Variants in TENT2 observed in about 807,000 individuals in gnomAD.
TENT2 encodes the protein poly(A) RNA polymerase GLD2.
In TENT2, 44 loss-of-function variants were observed where a neutral mutation model predicts 72.2. The ratio of observed to expected loss-of-function variants is 0.61; its 90% CI spans 0.48 to 0.78. TENT2 has a LOEUF of 0.78. TENT2 is among the 30% of genes least tolerant of loss of function. The probability of loss-of-function intolerance (pLI) is 0.00; values close to 1 mark genes in which losing one functional copy is unlikely to be tolerated. For synonymous variants in TENT2, 212 were observed against 192.5 expected (o/e 1.10, Z -0.84); for missense variants, 541 against 569.6 (o/e 0.95, Z 0.51).
chr5:79,674,690 TG>T (rs1815798818), intron 12 of TENT2, among the ~76,000 whole-genome samples: 1 of 152,204 alleles, frequency 6.6e-6, no homozygotes, highest in African/African-American at 2.4e-5. Context: ...TGTTAACACT[TG>T]TTGAATTGTT....
chr5:79,625,036 A>G (rs953789887), intron 4 of TENT2, among the ~76,000 whole-genome samples: 1 of 152,166 alleles, frequency 6.6e-6, no homozygotes, highest in Non-Finnish European at 1.5e-5. Flanking sequence ...CACTTTCTTT[A>G]CATGCTTTTG....
intron 4 of TENT2, among the ~76,000 whole-genome samples, chr5:79,634,636 G>A (rs908795890): frequency 3.3e-5 from 5 of 152,082 alleles, no homozygotes; most frequent in Non-Finnish European, 7.4e-5. Flanking sequence ...ACTGCGCCTG[G>A]CCAGAAATAT....
chr5:79,656,430 AT>A (rs563906499), intron 10 of TENT2, among the ~76,000 whole-genome samples: 3 of 151,546 alleles, frequency 2.0e-5, no homozygotes, highest in South Asian at 2.1e-4. Flanking sequence ...TTTTTATTTG[AT>A]TTTTTTTGTT....
rs571213640 is a variant in TENT2, at chr5:79,668,815, C to G, written c.1072-77C>G. The G allele has an allele frequency of 2.9e-4, 424 of 1,443,816 alleles. 2 individuals are homozygous for G. In the African/African-American group the frequency reaches 5.5e-3, roughly 19 times the overall value. 89.4% of individuals were successfully genotyped at this position (1,443,816 alleles called of 1,614,324 possible). A position where few individuals can be genotyped will look rare whatever the true frequency, so the allele number is the denominator to read the frequency against. Reference sequence around the variant, plus strand: ...TCTTCTCTCTTTTTCAAAGAGGAGCCTAGTTCAGGATTTATAAAGTTTCTT... The same window carrying G: ...TCTTCTCTCTTTTTCAAAGAGGAGCGTAGTTCAGGATTTATAAAGTTTCTT... On this transcript the variant is annotated intron_variant, in intron 11 of 14. Coordinates refer to ENST00000453514, the MANE Select transcript of TENT2 (RefSeq NM_001114394.3).
In TENT2 at chr5:79,676,163, T is replaced by TACACACAC. The variant is rs59618310; in HGVS notation, c.1209-3396_1209-3389dup. ...ACATATATATATACATATATATGTA[T>TACACACAC]ACACACACACACACACACACACACA... On this transcript the variant is annotated intron_variant, in intron 12 of 14. Coordinates refer to ENST00000453514, the MANE Select transcript of TENT2 (RefSeq NM_001114394.3). 9.3e-3 allele frequency among the ~76,000 whole-genome samples: 1,374 copies of TACACACAC among 147,434 alleles called. 20 individuals carry two copies. Among genetic ancestry groups the TACACACAC allele is most frequent in the African/African-American group, 0.028 (1,132 of 40,280 alleles).
chr5:79,671,507 C>T (rs1414159200), intron 12 of TENT2, among the ~76,000 whole-genome samples: 1 of 151,536 alleles, frequency 6.6e-6, no homozygotes, highest in Non-Finnish European at 1.5e-5. Context: ...TGGGTTCAAG[C>T]AATTCTCCTG....
chr5:79,680,487 C>T (rs1026798099), intron 13 of TENT2, among the ~76,000 whole-genome samples: 6 of 152,226 alleles, frequency 3.9e-5, no homozygotes, highest in East Asian at 1.9e-4. Flanking sequence ...AAGAACCCCA[C>T]GATACTGTGA....
At chr5:79,633,899 A>G (rs1476030919) in intron 4 of TENT2, among the ~76,000 whole-genome samples, 2 of 150,268 alleles carry the variant, frequency 1.3e-5, no homozygotes, top group Admixed American at 1.3e-4. Flanking sequence ...CACGCCTGTA[A>G]TCCCAGCACT....
intron 11 of TENT2, among the ~76,000 whole-genome samples, chr5:79,658,251 G>C (rs1334807868): frequency 6.6e-6 from 1 of 152,034 alleles, no homozygotes; most frequent in Non-Finnish European, 1.5e-5. Context: ...GTATAGCTAA[G>C]GATCAGTCTT....
intron 11 of TENT2, among the ~76,000 whole-genome samples, chr5:79,665,711 A>G (rs934003163): frequency 6.6e-6 from 1 of 152,186 alleles, no homozygotes; most frequent in Non-Finnish European, 1.5e-5. Flanking sequence ...TCTTCCCTCT[A>G]TATAGGCACA....
intron 4 of TENT2, among the ~76,000 whole-genome samples, chr5:79,633,222 T>G (rs1475338174): frequency 6.6e-6 from 1 of 152,156 alleles, no homozygotes; most frequent in Non-Finnish European, 1.5e-5. Flanking sequence ...TAGCTACACG[T>G]AACAAAGATT....
intron 10 of TENT2, among the ~76,000 whole-genome samples, chr5:79,652,886 A>T (rs1000565094): frequency 2.0e-5 from 3 of 151,956 alleles, no homozygotes; most frequent in Admixed American, 1.3e-4. Context: ...AACTCTTAAC[A>T]TATTTTTTTC....
At chr5:79,627,468 G>A (rs1365728530) in intron 4 of TENT2, among the ~76,000 whole-genome samples, 1 of 152,128 alleles carries the variant, frequency 6.6e-6, no homozygotes, top group African/African-American at 2.4e-5. Context: ...GCTAAAGATT[G>A]TGTAATTGAA....
chr5:79,659,937 GATAAGTTAA>G (rs1801442563), intron 11 of TENT2, among the ~76,000 whole-genome samples: 2 of 151,734 alleles, frequency 1.3e-5, no homozygotes, highest in South Asian at 4.2e-4. Flanking sequence ...ATAAGTTTAA[GATAAGTTAA>G]CAACAACGAA....
intron 10 of TENT2, among the ~76,000 whole-genome samples, chr5:79,654,751 G>A (rs1229202242): frequency 1.3e-5 from 2 of 149,870 alleles, no homozygotes; most frequent in African/African-American, 2.5e-5. Context: ...GTGACAGAGC[G>A]AGACCCTGTC....
intron 12 of TENT2, among the ~76,000 whole-genome samples, chr5:79,671,879 G>T (rs1813200662): frequency 6.6e-6 from 1 of 152,030 alleles, no homozygotes; most frequent in Admixed American, 6.6e-5. Context: ...ATGGAGGGGA[G>T]ATCACTTGAG....
intron 10 of TENT2, among the ~76,000 whole-genome samples, chr5:79,651,569 C>A (rs936633929): frequency 3.3e-5 from 5 of 151,996 alleles, no homozygotes; most frequent in Admixed American, 3.3e-4. Context: ...CTGATTGTTA[C>A]ACCCTTTCCA....
At chr5:79,648,777 C>G (rs1791203769) in intron 9 of TENT2, 84 bp downstream of exon 9, 2 of 1,060,616 alleles carry the variant, frequency 1.9e-6, no homozygotes. Flanking sequence ...AGTGACATCT[C>G]TTTAGTTGTG....
chr5:79,678,199 T>G (rs1818786339), intron 12 of TENT2, among the ~76,000 whole-genome samples: 1 of 152,198 alleles, frequency 6.6e-6, no homozygotes, highest in African/African-American at 2.4e-5. Flanking sequence ...AAATTATACT[T>G]TCAGTGTGCT....
Sources: allele counts gnomAD v4.1 joint callset (sites outside exome capture counted in the v4.1 genomes callset), GRCh38; gene constraint gnomAD v4.1.1; transcripts MANE v1.5; gene names NCBI Gene and HGNC (gene_info 2026-07-23, HGNC 2026-07-21).